TINAG: variants seen among roughly 807,000 people sequenced by gnomAD.
The protein encoded by TINAG is tubulointerstitial nephritis antigen.
A neutral mutation model predicts 72.7 loss-of-function variants in TINAG; 83 were observed. The ratio of observed to expected loss-of-function variants is 1.14; its 90% CI spans 0.96 to 1.37. The LOEUF (loss-of-function observed/expected upper bound fraction) is 1.37. TINAG is among the 40% of genes most tolerant of loss of function. The pLI, the probability that TINAG is intolerant of heterozygous loss-of-function variation, is 0.00. For missense variants in TINAG, 685 were observed against 576.6 expected, an observed-to-expected ratio of 1.19 and a Z score of -1.93; for synonymous variants, 234 against 189.9, an observed-to-expected ratio of 1.23 and a Z score of -1.91.
intron 3 of TINAG, among the ~76,000 whole-genome samples, chr6:54,322,860 G>T (rs75009713): frequency 6.6e-6 from 1 of 152,186 alleles, no homozygotes; most frequent in Non-Finnish European, 1.5e-5. Flanking sequence ...CAAAGAAGAT[G>T]AGAGTATATG....
At chr6:54,331,590 T>C (rs1784743170) in intron 4 of TINAG, among the ~76,000 whole-genome samples, 1 of 152,150 alleles carries the variant, frequency 6.6e-6, no homozygotes, top group Non-Finnish European at 1.5e-5. Flanking sequence ...TTCAACATAG[T>C]ATTGGAAGTT....
chr6:54,358,447 T>A (rs148391508), intron 9 of TINAG, among the ~76,000 whole-genome samples: 1 of 151,874 alleles, frequency 6.6e-6, no homozygotes, highest in Admixed American at 6.6e-5. Context: ...ATGTTTTCTC[T>A]TTTCAACGAA....
At chr6:54,373,913 A>G (rs1199628924) in intron 9 of TINAG, among the ~76,000 whole-genome samples, 1 of 152,146 alleles carries the variant, frequency 6.6e-6, no homozygotes, top group Non-Finnish European at 1.5e-5. Flanking sequence ...GTCATTGATC[A>G]TGATATATGA....
intron 9 of TINAG, among the ~76,000 whole-genome samples, chr6:54,362,927 C>T (rs1323046347): frequency 1.3e-5 from 2 of 151,468 alleles, no homozygotes; most frequent in Non-Finnish European, 3.0e-5. Context: ...GAAGTAGAGC[C>T]TGAAGTTTTG....
At chr6:54,374,958 G>GA (rs1016297126) in intron 9 of TINAG, among the ~76,000 whole-genome samples, 1 of 151,900 alleles carries the variant, frequency 6.6e-6, no homozygotes, top group African/African-American at 2.4e-5. Flanking sequence ...TGTCTGCCCA[G>GA]AAAACATGAA....
At chr6:54,350,537 A>G (rs1391068674) in intron 7 of TINAG, among the ~76,000 whole-genome samples, 1 of 150,898 alleles carries the variant, frequency 6.6e-6, no homozygotes, top group Non-Finnish European at 1.5e-5. Flanking sequence ...ACCCAGCCAT[A>G]ATGCTCCTAA....
intron 1 of TINAG, among the ~76,000 whole-genome samples, chr6:54,312,923 C>G (rs566074788): frequency 1.3e-5 from 2 of 152,156 alleles, no homozygotes; most frequent in African/African-American, 2.4e-5. Context: ...TCTCTCATCT[C>G]TGCCGGGGTC....
chr6:54,349,376 A>G (rs1469733296), intron 6 of TINAG, among the ~76,000 whole-genome samples: 1 of 152,040 alleles, frequency 6.6e-6, no homozygotes, highest in Non-Finnish European at 1.5e-5. Context: ...AATTATAATT[A>G]TATAAACAGG....
chr6:54,339,326 C>T (rs1784942984), intron 4 of TINAG, among the ~76,000 whole-genome samples: 2 of 152,166 alleles, frequency 1.3e-5, no homozygotes, highest in Non-Finnish European at 2.9e-5. Flanking sequence ...TCTTCTTGTC[C>T]TTCCATTGCC....
chr6:54,358,591 C>T (rs1324408228), intron 9 of TINAG, among the ~76,000 whole-genome samples: 1 of 151,002 alleles, frequency 6.6e-6, no homozygotes, highest in Non-Finnish European at 1.5e-5. Flanking sequence ...AGGCACTCTT[C>T]AGCTTCGATT....
chr6:54,352,045 A>T (rs968704406), intron 8 of TINAG, among the ~76,000 whole-genome samples: 2 of 151,838 alleles, frequency 1.3e-5, no homozygotes, highest in Admixed American at 1.3e-4. Context: ...ATTTTGCATC[A>T]ATGACCTGAA....
At position 54,384,646 on chromosome 6, in the gene TINAG, T is replaced by C. The variant is rs148238035; in HGVS notation, c.1296+4075T>C. On this transcript the variant is annotated intron_variant, in intron 10 of 10. Coordinates refer to ENST00000259782, the MANE Select transcript of TINAG (RefSeq NM_014464.4). ...GGAATTTTATACATGGTGACATTTTTCTCCAAAATAAATACAAAATTAAAG... is the reference window on the plus strand; with the variant it reads ...GGAATTTTATACATGGTGACATTTTCCTCCAAAATAAATACAAAATTAAAG... Among the ~76,000 whole-genome samples, 845 of 152,156 alleles carry C rather than the reference T, an allele frequency of 5.6e-3. 10 individuals carry two copies. Among genetic ancestry groups the C allele is most frequent in the African/African-American group, 0.019 (802 of 41,514 alleles).
intron 1 of TINAG, among the ~76,000 whole-genome samples, chr6:54,316,004 A>G (rs887403702): frequency 6.6e-6 from 1 of 152,218 alleles, no homozygotes; most frequent in Non-Finnish European, 1.5e-5. Flanking sequence ...TTACAAAAAT[A>G]TGACACAAAC....
At chr6:54,322,813 A>G (rs1197363891) in intron 3 of TINAG, among the ~76,000 whole-genome samples, 2 of 152,230 alleles carry the variant, frequency 1.3e-5, no homozygotes, top group Non-Finnish European at 2.9e-5. Context: ...GGGAAAACCA[A>G]TTATAATTTT....
chr6:54,347,633 A>T (rs546791395), intron 6 of TINAG, 116 bp downstream of exon 6: 1 of 984,488 alleles, frequency 1.0e-6, no homozygotes, highest in East Asian at 2.7e-5. Context: ...TATATACTAC[A>T]TCTACATGAA....
At chr6:54,353,952 A>C (rs1200509409) in intron 8 of TINAG, among the ~76,000 whole-genome samples, 1 of 151,910 alleles carries the variant, frequency 6.6e-6, no homozygotes, top group Non-Finnish European at 1.5e-5. Context: ...TTTCTAAAAT[A>C]TAAGCCCTGC....
At chr6:54,353,953 T>C (rs1349382411) in intron 8 of TINAG, among the ~76,000 whole-genome samples, 1 of 151,870 alleles carries the variant, frequency 6.6e-6, no homozygotes, top group Non-Finnish European at 1.5e-5. Flanking sequence ...TTCTAAAATA[T>C]AAGCCCTGCT....
chr6:54,345,423 C>T (rs1261417837), intron 5 of TINAG, among the ~76,000 whole-genome samples: 1 of 151,952 alleles, frequency 6.6e-6, no homozygotes, highest in Non-Finnish European at 1.5e-5. Flanking sequence ...ATAAACGAGG[C>T]CCAAATAGGT....
Position 54,372,727 on chromosome 6 carries a change from C to CATATATAT in TINAG, c.1251-7761_1251-7754dup, listed in dbSNP as rs67301819. On this transcript the variant is annotated intron_variant, in intron 9 of 10. Coordinates refer to ENST00000259782, the MANE Select transcript of TINAG (RefSeq NM_014464.4). ...TCCAAGAATATTATATAAATACATACATATATATATATATATATATATATA... is the reference window on the plus strand; with the variant it reads ...TCCAAGAATATTATATAAATACATACATATATATATATATATATATATATATATATATA... Among the ~76,000 whole-genome samples, 114 of 133,828 alleles carry CATATATAT rather than the reference C, an allele frequency of 8.5e-4. 2 individuals carry two copies. The highest frequency in any genetic ancestry group is 2.4e-3 in the Admixed American group (27 of 11,238). The allele number at this position is 133,828 out of a possible 152,430, so 87.8% of individuals were successfully genotyped here.
Sources: gnomAD v4.1 joint callset for allele counts (sites outside exome capture counted in the v4.1 genomes callset) on GRCh38, gnomAD v4.1.1 for gene constraint, MANE v1.5 for transcripts, NCBI Gene and HGNC (gene_info 2026-07-23, HGNC 2026-07-21) for gene names.